Variants in AVL9 observed in about 807,000 individuals in gnomAD.
AVL9 encodes AVL9 cell migration associated.
Under a neutral mutation model 79.2 loss-of-function variants are expected in AVL9, and 49 were observed. The observed-to-expected ratio is 0.62, with a 90% CI of 0.49 to 0.79. The LOEUF is 0.79. Ranked by LOEUF, AVL9 falls within the 30% of genes least tolerant of loss-of-function variation. AVL9 has a pLI of 0.00. For synonymous variants in AVL9, 299 were observed against 280.6 expected (o/e 1.07, Z -0.65); for missense variants, 682 against 776.8 (o/e 0.88, Z 1.45).
intron 1 of AVL9, among the ~76,000 whole-genome samples, chr7:32,504,266 T>A (rs1407572292): frequency 6.6e-6 from 1 of 152,224 alleles, no homozygotes; most frequent in Non-Finnish European, 1.5e-5. Flanking sequence ...TTCTAATTTT[T>A]TTCCTGTAAG....
chr7:32,549,208 A>T (rs200182805), intron 4 of AVL9, among the ~76,000 whole-genome samples: 741 of 26,480 alleles, frequency 0.028, 4 homozygotes, highest in Admixed American at 0.069. Context: ...AAAAAAAAAA[A>T]TTTTATATAT....
In AVL9 at chr7:32,584,487, T is replaced by G. The variant is rs547323480; in HGVS notation, c.*580T>G. ...GTGGTAGTTCTGAGGATTGGGTGTT[T>G]TGTTTTACGTTTTTAGTTTGTTCTT... is the stretch of plus-strand genomic sequence containing the variant. On this transcript the variant is annotated 3_prime_UTR_variant, in exon 16 of 16. Transcript: ENST00000318709. 1 of 155,176 alleles carries G rather than the reference T, an allele frequency of 6.4e-6. No homozygotes were observed. The highest frequency in any genetic ancestry group is 6.3e-5 in the Admixed American group (1 of 15,906). 9.6% of individuals were successfully genotyped at this position (155,176 alleles called of 1,614,324 possible). A position where few individuals can be genotyped will look rare whatever the true frequency, so the allele number is the denominator to read the frequency against.
chr7:32,573,862 G>C (rs1012538997), intron 12 of AVL9, among the ~76,000 whole-genome samples: 5 of 152,106 alleles, frequency 3.3e-5, no homozygotes, highest in African/African-American at 1.2e-4. Context: ...ATTGAAAATC[G>C]TGTTGTAAAT....
intron 1 of AVL9, among the ~76,000 whole-genome samples, chr7:32,518,605 G>A (rs1788007930): frequency 6.6e-6 from 1 of 152,020 alleles, no homozygotes; most frequent in East Asian, 1.9e-4. Context: ...AGGTATTTTT[G>A]GTAAGAAAGC....
Position 32,495,532 on chromosome 7 carries a change from G to A in AVL9, c.-178G>A. 2.5e-6 allele frequency: 1 copy of A among 403,480 alleles called. No homozygotes were observed. Among genetic ancestry groups the A allele is most frequent in the Non-Finnish European group, 4.4e-6 (1 of 227,980 alleles). 25.0% of individuals were successfully genotyped at this position (403,480 alleles called of 1,614,324 possible). On this transcript the variant is annotated 5_prime_UTR_variant, in exon 1 of 16. Transcript: ENST00000318709. ...GAAGCTGCGGAAGCGGATGAGGGAA[G>A]GGCGGCCGTGGCCCTGGGGGCGGCG... is the stretch of plus-strand genomic sequence containing the variant.
intron 1 of AVL9, among the ~76,000 whole-genome samples, chr7:32,530,424 G>A (rs1212625840): frequency 6.6e-6 from 1 of 152,086 alleles, no homozygotes; most frequent in African/African-American, 2.4e-5. Flanking sequence ...ATATCTGAGG[G>A]CATTTCTGAT....
chr7:32,517,343 T>A (rs1009648058), intron 1 of AVL9, among the ~76,000 whole-genome samples: 12 of 151,548 alleles, frequency 7.9e-5, no homozygotes, highest in Non-Finnish European at 1.8e-4. Flanking sequence ...TCTCACTCTG[T>A]TGCCCAGGCT....
intron 6 of AVL9, 29 bp downstream of exon 6, chr7:32,552,324 G>T: frequency 7.1e-7 from 1 of 1,400,386 alleles, no homozygotes; most frequent in South Asian, 1.2e-5. Flanking sequence ...AGTTAAAAGA[G>T]ATCCCCTCAT....
At chr7:32,513,123 C>T (rs1787752961) in intron 1 of AVL9, among the ~76,000 whole-genome samples, 1 of 152,028 alleles carries the variant, frequency 6.6e-6, no homozygotes, top group African/African-American at 2.4e-5. Flanking sequence ...AGCTGGACTC[C>T]TGTCTCCTTG....
chr7:32,504,411 C>G (rs1455973732), intron 1 of AVL9, among the ~76,000 whole-genome samples: 1 of 152,106 alleles, frequency 6.6e-6, no homozygotes, highest in Non-Finnish European at 1.5e-5. Flanking sequence ...AAATCGTTGT[C>G]TTATCCTCTA....
intron 1 of AVL9, among the ~76,000 whole-genome samples, chr7:32,525,585 G>T (rs1583518229): frequency 6.6e-6 from 1 of 151,954 alleles, no homozygotes; most frequent in Admixed American, 6.6e-5. Flanking sequence ...CCTAACTTTT[G>T]TTTTTTTGAG....
chr7:32,531,406 C>G (rs1361261811), intron 1 of AVL9, among the ~76,000 whole-genome samples: 1 of 152,168 alleles, frequency 6.6e-6, no homozygotes, highest in East Asian at 1.9e-4. Flanking sequence ...TATGAATATA[C>G]ATGTTAATGA....
Position 32,588,186 on chromosome 7 carries a change from G to A in AVL9, c.*4279G>A, listed in dbSNP as rs1001414976. ...TAGTATGCTGCTCAAATTTTTTCGT[G>A]TGTGCAAATGTGAACATTTGAACAT... On this transcript the variant is annotated 3_prime_UTR_variant, in exon 16 of 16. Transcript: ENST00000318709. 6.6e-6 allele frequency: 1 copy of A among 152,142 alleles called. No individual in the cohort carries two copies. The highest frequency in any genetic ancestry group is 1.5e-5 in the Non-Finnish European group (1 of 68,040). 9.4% of individuals were successfully genotyped at this position (152,142 alleles called of 1,614,324 possible).
chr7:32,559,573 C>T, intron 10 of AVL9, 109 bp downstream of exon 10: 13 of 1,142,226 alleles, frequency 1.1e-5, no homozygotes, highest in Non-Finnish European at 1.5e-5. Flanking sequence ...GAAAAATTTC[C>T]TTGAAAACTG....
At chr7:32,549,414 A>T (rs1343119039) in intron 4 of AVL9, among the ~76,000 whole-genome samples, 1 of 151,478 alleles carries the variant, frequency 6.6e-6, no homozygotes, top group Non-Finnish European at 1.5e-5. Flanking sequence ...TTTGGTAGAG[A>T]CGAGGTTTTA....
chr7:32,556,504 A>G (rs1040138620), intron 8 of AVL9, among the ~76,000 whole-genome samples: 7 of 148,034 alleles, frequency 4.7e-5, no homozygotes, highest in African/African-American at 1.8e-4. Flanking sequence ...ACAGAGCGAG[A>G]CTCCATCTCA....
chr7:32,538,417 A>C (rs1789015237), intron 1 of AVL9: 1 of 152,228 alleles, frequency 6.6e-6, no homozygotes. Flanking sequence ...GAAATCATTT[A>C]GAAAATTGTT....
chr7:32,525,972 G>GA (rs1788384613), intron 1 of AVL9, among the ~76,000 whole-genome samples: 3 of 151,912 alleles, frequency 2.0e-5, no homozygotes, highest in Admixed American at 6.6e-5. Context: ...AGTGAAAAGG[G>GA]AAAAAACGGG....
At chr7:32,567,025 T>A (rs1790611742) in intron 10 of AVL9, among the ~76,000 whole-genome samples, 1 of 152,088 alleles carries the variant, frequency 6.6e-6, no homozygotes, top group South Asian at 2.1e-4. Context: ...TATCTGGTAC[T>A]TTTTTAAAAA....
Sources: gnomAD v4.1 joint callset for allele counts (sites outside exome capture counted in the v4.1 genomes callset) on GRCh38, gnomAD v4.1.1 for gene constraint, MANE v1.5 for transcripts, NCBI Gene and HGNC (gene_info 2026-07-23, HGNC 2026-07-21) for gene names.